Variants in TRMT10B observed in about 807,000 individuals in gnomAD.
TRMT10B encodes tRNA methyltransferase 10 homolog B.
TRMT10B carries 33 observed loss-of-function variants against 43.8 expected under a neutral mutation model. The ratio of observed to expected loss-of-function variants is 0.75; its 90% CI spans 0.57 to 1.01. The LOEUF (loss-of-function observed/expected upper bound fraction) is 1.01. Ranked by LOEUF, TRMT10B falls within the 50% of genes least tolerant of loss-of-function variation. The pLI is 0.00. For missense variants in TRMT10B, 362 were observed against 369.8 expected (o/e 0.98, Z 0.17); for synonymous variants, 137 against 130.6 (o/e 1.05, Z -0.34).
chr9:37,759,060 T>TA, intron 1 of TRMT10B, among the ~76,000 whole-genome samples: 1 of 152,320 alleles, frequency 6.6e-6, no homozygotes, highest in Non-Finnish European at 1.5e-5. Context: ...ACAGGCAGTG[T>TA]AAAATGGTAT....
At chr9:37,766,587 TTAAAG>T (rs1380704268) in intron 4 of TRMT10B, among the ~76,000 whole-genome samples, 3 of 152,210 alleles carry the variant, frequency 2.0e-5, no homozygotes, top group Non-Finnish European at 4.4e-5. Context: ...CATATGAACT[TTAAAG>T]TAGTTTTTTC....
intron 4 of TRMT10B, chr9:37,767,107 ATC>A (rs1248079931): frequency 6.6e-6 from 1 of 152,178 alleles, no homozygotes; most frequent in Non-Finnish European, 1.5e-5. Context: ...CTTTTTAGAC[ATC>A]TGTTTTATGT....
chr9:37,776,991 C>T (rs752727904), intron 8 of TRMT10B, among the ~76,000 whole-genome samples: 2 of 150,910 alleles, frequency 1.3e-5, no homozygotes, highest in African/African-American at 2.4e-5. Flanking sequence ...GTCGGGAGGT[C>T]GAGACCAGCC....
intron 1 of TRMT10B, among the ~76,000 whole-genome samples, chr9:37,756,404 TTTG>T (rs918577244): frequency 7.5e-6 from 1 of 133,880 alleles, no homozygotes; most frequent in Non-Finnish European, 1.7e-5. Flanking sequence ...CTAGATATCT[TTTG>T]TTTAAAAAAA....
chr9:37,762,054 C>T lies in TRMT10B; in HGVS notation c.123C>T (p.Ile41=), dbSNP rs764049914. Reference sequence around the variant, plus strand: ...CTGAAGGCTTCCAGCTTCTGCAGATCGATGCGGAAGGCGAGTGCCAGGAGG... The same window carrying T: ...CTGAAGGCTTCCAGCTTCTGCAGATTGATGCGGAAGGCGAGTGCCAGGAGG... ...GLPEGFQLLQ[I]DAEGECQEGE... The change falls in exon 2 of 9, where the codon ATC becomes ATT. Residue 41 remains isoleucine (I), a synonymous_variant. Transcript: ENST00000297994. 34 of 1,613,932 alleles carry T rather than the reference C, an allele frequency of 2.1e-5. No homozygotes were observed. The highest frequency in any genetic ancestry group is 2.7e-5 in the African/African-American group (2 of 74,898).
At chr9:37,763,143 C>CA (rs747893643) in intron 3 of TRMT10B, among the ~76,000 whole-genome samples, 1,967 of 49,744 alleles carry the variant, frequency 0.04, 102 homozygotes, top group East Asian at 0.15. Flanking sequence ...GACTCTGTCT[C>CA]AAAAAAAAAA....
chr9:37,766,271 G>C (rs1262510354), intron 4 of TRMT10B, among the ~76,000 whole-genome samples: 8 of 152,048 alleles, frequency 5.3e-5, no homozygotes, highest in African/African-American at 9.7e-5. Context: ...TGTAAGGAAG[G>C]GATCCAGTTT....
intron 3 of TRMT10B, among the ~76,000 whole-genome samples, 196 bp downstream of exon 3, chr9:37,762,881 C>T (rs546376722): frequency 2.0e-5 from 3 of 151,350 alleles, no homozygotes; most frequent in Admixed American, 6.6e-5. Flanking sequence ...ACCTGTAATC[C>T]CAGCACTTTG....
At chr9:37,758,951 A>G (rs2118717350) in intron 1 of TRMT10B, among the ~76,000 whole-genome samples, 1 of 152,328 alleles carries the variant, frequency 6.6e-6, no homozygotes, top group East Asian at 1.9e-4. Flanking sequence ...GATTGGATAC[A>G]GCAGGGAGGG....
intron 7 of TRMT10B, among the ~76,000 whole-genome samples, chr9:37,771,228 T>C (rs1827540037): frequency 6.6e-6 from 1 of 152,236 alleles, no homozygotes; most frequent in Non-Finnish European, 1.5e-5. Context: ...CTGTTTAAGA[T>C]AATTGTTTAT....
At chr9:37,755,815 C>T (rs1825604747) in intron 1 of TRMT10B, among the ~76,000 whole-genome samples, 1 of 152,140 alleles carries the variant, frequency 6.6e-6, no homozygotes, top group East Asian at 1.9e-4. Context: ...TGGCGGTAAA[C>T]TTCAGTTCAA....
At chr9:37,761,497 G>A (rs983126016) in intron 1 of TRMT10B, among the ~76,000 whole-genome samples, 1 of 152,102 alleles carries the variant, frequency 6.6e-6, no homozygotes, top group Non-Finnish European at 1.5e-5. Flanking sequence ...TCAGGAGTCC[G>A]AGACCAGCCT....
At chr9:37,755,860 T>G (rs1352050065) in intron 1 of TRMT10B, among the ~76,000 whole-genome samples, 4 of 151,860 alleles carry the variant, frequency 2.6e-5, no homozygotes, top group Non-Finnish European at 5.9e-5. Context: ...TTTTCAAGGT[T>G]CTATACTGTG....
At chr9:37,771,300 TAA>T (rs1302953933) in intron 7 of TRMT10B, among the ~76,000 whole-genome samples, 1 of 152,198 alleles carries the variant, frequency 6.6e-6, no homozygotes, top group Non-Finnish European at 1.5e-5. Flanking sequence ...CATATAAATA[TAA>T]AAGAGTAGAA....
intron 4 of TRMT10B, among the ~76,000 whole-genome samples, chr9:37,767,667 A>G (rs1051711773): frequency 6.6e-6 from 1 of 152,056 alleles, no homozygotes; most frequent in Non-Finnish European, 1.5e-5. Context: ...AAAAAGTTAA[A>G]ACTTCCAACC....
chr9:37,763,454 G>A (rs565558968), intron 3 of TRMT10B, among the ~76,000 whole-genome samples, 175 bp from the exon 4 acceptor site: 1 of 152,316 alleles, frequency 6.6e-6, no homozygotes, highest in African/African-American at 2.4e-5. Context: ...ACCCTGCTGT[G>A]TGCTGCAGAG....
intron 5 of TRMT10B, chr9:37,769,635 A>G (rs963913072): frequency 5.4e-6 from 1 of 186,874 alleles, no homozygotes; most frequent in African/African-American, 2.5e-5. Flanking sequence ...TTTTTTTTTT[A>G]AAGACAGGCT....
At chr9:37,774,207 G>A (rs1827893168) in intron 7 of TRMT10B, among the ~76,000 whole-genome samples, 1 of 152,054 alleles carries the variant, frequency 6.6e-6, no homozygotes, top group Non-Finnish European at 1.5e-5. Flanking sequence ...TCACCGTATG[G>A]CCCATGCTGG....
rs753115932 is a variant in TRMT10B at position 37,764,315 on chromosome 9, A to ATTTTT, written c.420+581_420+585dup. Reference sequence around the variant, plus strand: ...AGGCGTCTGCCACCACGCCTGACAAATTTTTTTTTTTTTTTTTTTTTTTGG... The same window carrying ATTTTT: ...AGGCGTCTGCCACCACGCCTGACAAATTTTTTTTTTTTTTTTTTTTTTTTTTTTGG... On this transcript the variant is annotated intron_variant, in intron 4 of 8. Coordinates refer to ENST00000297994, the MANE Select transcript of TRMT10B (RefSeq NM_144964.4). Among the ~76,000 whole-genome samples the ATTTTT allele has an allele frequency of 5.2e-4, 58 of 110,554 alleles. 1 individual carries two copies. Among genetic ancestry groups the ATTTTT allele is most frequent in the Non-Finnish European group, 8.8e-4 (49 of 55,782 alleles). The allele number at this position is 110,554 out of a possible 152,430, so 72.5% of individuals were successfully genotyped here.
Sources: allele counts gnomAD v4.1 joint callset (sites outside exome capture counted in the v4.1 genomes callset), GRCh38; gene constraint gnomAD v4.1.1; transcripts MANE v1.5; gene names NCBI Gene and HGNC (gene_info 2026-07-23, HGNC 2026-07-21).